HPSE2: variants seen among roughly 807,000 people sequenced by gnomAD.
HPSE2 encodes the protein heparanase 2 (inactive), also known as inactive heparanase-2.
A neutral mutation model predicts 60.5 loss-of-function variants in HPSE2; 38 were observed. That is an observed-to-expected ratio of 0.63 (90% CI 0.48 to 0.82). HPSE2 has a LOEUF of 0.82. Ranked by LOEUF, HPSE2 falls within the 40% of genes least tolerant of loss-of-function variation. HPSE2 has a pLI of 0.00. For missense variants in HPSE2, 713 were observed against 740.4 expected (o/e 0.96, Z 0.43); for synonymous variants, 295 against 293.2 (o/e 1.01, Z -0.06).
intron 2 of HPSE2, among the ~76,000 whole-genome samples, chr10:99,153,339 C>A (rs1346512291): frequency 6.6e-6 from 1 of 152,222 alleles, no homozygotes; most frequent in Non-Finnish European, 1.5e-5. Context: ...ACTCTGCAGA[C>A]TTAAATGTCC....
chr10:99,005,657 T>C (rs943571869), intron 3 of HPSE2, among the ~76,000 whole-genome samples: 2 of 152,328 alleles, frequency 1.3e-5, no homozygotes, highest in East Asian at 3.9e-4. Flanking sequence ...ATAATCTCTA[T>C]TTCTTTGAGG....
intron 3 of HPSE2, among the ~76,000 whole-genome samples, chr10:99,055,786 C>T (rs1958099433): frequency 6.6e-6 from 1 of 151,980 alleles, no homozygotes; most frequent in Non-Finnish European, 1.5e-5. Context: ...ATAATAATAA[C>T]ATAATGTATC....
intron 9 of HPSE2, among the ~76,000 whole-genome samples, chr10:98,565,612 T>C (rs769340680): frequency 6.6e-6 from 1 of 152,222 alleles, no homozygotes; most frequent in Non-Finnish European, 1.5e-5. Context: ...GTCTTTGTTA[T>C]TGTAACTAAC....
In HPSE2 at chr10:98,939,950, A is replaced by G. The variant is rs534978324; in HGVS notation, c.611-195894T>C. Among the ~76,000 whole-genome samples the G allele has an allele frequency of 8.2e-4, 118 of 143,972 alleles. 20 individuals are homozygous for G. The highest frequency in any genetic ancestry group is 3.6e-3 in the Middle Eastern group (1 of 280). 94.5% of individuals were successfully genotyped at this position (143,972 alleles called of 152,430 possible). On this transcript the variant is annotated intron_variant, in intron 3 of 11. Coordinates refer to ENST00000370552, the MANE Select transcript of HPSE2 (RefSeq NM_021828.5). ...AACTCACTCAAAACCGCTCAACTACATGGAAACTGAACAACCTGCTCCTGA... is the reference window on the plus strand; with the variant it reads ...AACTCACTCAAAACCGCTCAACTACGTGGAAACTGAACAACCTGCTCCTGA...
intron 5 of HPSE2, among the ~76,000 whole-genome samples, chr10:98,712,410 G>A (rs1290494235): frequency 6.6e-6 from 1 of 152,046 alleles, no homozygotes; most frequent in African/African-American, 2.4e-5. Context: ...GCCCATAAAA[G>A]TCACAATGGA....
intron 2 of HPSE2, among the ~76,000 whole-genome samples, chr10:99,184,420 G>A (rs1028785167): frequency 6.6e-6 from 1 of 150,818 alleles, no homozygotes; most frequent in African/African-American, 2.5e-5. Context: ...AGCTATTCGG[G>A]AGGCTGAGGC....
chr10:98,943,120 T>C (rs1170408158), intron 3 of HPSE2, among the ~76,000 whole-genome samples: 2 of 147,700 alleles, frequency 1.4e-5, no homozygotes, highest in Non-Finnish European at 1.5e-5. Context: ...TTAGGTGATA[T>C]ACCTAATGCT....
At chr10:99,208,224 G>A (rs1221425609) in intron 2 of HPSE2, among the ~76,000 whole-genome samples, 2 of 151,374 alleles carry the variant, frequency 1.3e-5, no homozygotes, top group African/African-American at 4.9e-5. Flanking sequence ...GATCAAAAAC[G>A]AATCAAAGCA....
chr10:99,097,501 C>A (rs1660890623), intron 3 of HPSE2, among the ~76,000 whole-genome samples: 1 of 152,146 alleles, frequency 6.6e-6, no homozygotes, highest in South Asian at 2.1e-4. Context: ...TAAACTCTAG[C>A]ATTCTCTTTT....
chr10:99,102,446 C>T (rs970406718), intron 3 of HPSE2, among the ~76,000 whole-genome samples: 6 of 151,976 alleles, frequency 3.9e-5, no homozygotes, highest in East Asian at 1.9e-4. Context: ...AAGTTGAATC[C>T]CTGAATAGAC....
At chr10:98,976,683 C>G (rs1444467306) in intron 3 of HPSE2, among the ~76,000 whole-genome samples, 3 of 151,218 alleles carry the variant, frequency 2.0e-5, no homozygotes, top group Non-Finnish European at 4.4e-5. Flanking sequence ...AAGTAAGGAA[C>G]AGTTTGTTCC....
chr10:98,893,515 T>TC (rs772136632), intron 3 of HPSE2, among the ~76,000 whole-genome samples: 10 of 152,150 alleles, frequency 6.6e-5, no homozygotes, highest in Non-Finnish European at 7.3e-5. Flanking sequence ...TATAAGAAAG[T>TC]CATGGGCTAG....
intron 5 of HPSE2, among the ~76,000 whole-genome samples, chr10:98,717,961 T>A (rs1589698400): frequency 6.6e-6 from 1 of 152,130 alleles, no homozygotes; most frequent in African/African-American, 2.4e-5. Flanking sequence ...ATAATTTTTT[T>A]AGATAAATCT....
intron 9 of HPSE2, among the ~76,000 whole-genome samples, chr10:98,593,854 T>C (rs936109586): frequency 1.3e-5 from 2 of 152,202 alleles, no homozygotes; most frequent in African/African-American, 4.8e-5. Flanking sequence ...CAGGCTCTCA[T>C]TTCAGGGTAA....
intron 2 of HPSE2, among the ~76,000 whole-genome samples, chr10:99,213,318 G>C (rs1325757331): frequency 6.6e-6 from 1 of 151,996 alleles, no homozygotes; most frequent in Non-Finnish European, 1.5e-5. Flanking sequence ...ATTCCCTAAA[G>C]AGTTCAACAT....
At position 98,631,726 on chromosome 10, in the gene HPSE2, G is replaced by C. The variant is rs78351102; in HGVS notation, c.1098+10121C>G. 1.3e-3 allele frequency among the ~76,000 whole-genome samples: 193 copies of C among 152,254 alleles called. 2 individuals carry two copies. The highest frequency in any genetic ancestry group is 4.4e-3 in the African/African-American group (181 of 41,540). Reference sequence around the variant, plus strand: ...ATTGTCATTGCCTTGCATATAGCAGGACCTTACTAAACACTGACCAAGAGC... The same window carrying C: ...ATTGTCATTGCCTTGCATATAGCAGCACCTTACTAAACACTGACCAAGAGC... On this transcript the variant is annotated intron_variant, in intron 7 of 11. Transcript: ENST00000370552.
chr10:99,301,763 C>T, the HPSE2 span, among the ~76,000 whole-genome samples: 3 of 151,972 alleles, frequency 2.0e-5, no homozygotes, highest in East Asian at 5.8e-4. Flanking sequence ...GAAAGTTTAC[C>T]TTTGGACAAC....
chr10:98,968,323 A>C (rs1955865236), intron 3 of HPSE2, among the ~76,000 whole-genome samples: 1 of 151,918 alleles, frequency 6.6e-6, no homozygotes, highest in East Asian at 1.9e-4. Context: ...CATTCCAAGA[A>C]TGGCCATAAT....
chr10:99,112,216 A>G (rs1844489584), intron 3 of HPSE2, among the ~76,000 whole-genome samples: 1 of 152,172 alleles, frequency 6.6e-6, no homozygotes, highest in South Asian at 2.1e-4. Flanking sequence ...TTTATAACAT[A>G]AGCCATAGGA....
Sources: gnomAD v4.1 joint callset for allele counts (sites outside exome capture counted in the v4.1 genomes callset) on GRCh38, gnomAD v4.1.1 for gene constraint, MANE v1.5 for transcripts, NCBI Gene and HGNC (gene_info 2026-07-23, HGNC 2026-07-21) for gene names.